Variants in CEP135 observed in about 807,000 individuals in gnomAD.
CEP135 encodes centrosomal protein of 135 kDa.
In CEP135, 142 loss-of-function variants were observed where a neutral mutation model predicts 157.3. That is an observed-to-expected ratio of 0.90 (90% CI 0.79 to 1.04). The LOEUF (loss-of-function observed/expected upper bound fraction) is 1.04, where lower values mean the gene tolerates loss of function less well. Among genes scored for constraint, CEP135 ranks in the 50% least tolerant of loss-of-function variants. The pLI is 0.00. For synonymous variants in CEP135, 396 were observed against 439.8 expected (o/e 0.90, Z 1.25); for missense variants, 1,317 against 1,309.2 (o/e 1.01, Z -0.09).
At chr4:56,025,440 TG>T (rs1213304777) in intron 25 of CEP135, among the ~76,000 whole-genome samples, 1 of 152,150 alleles carries the variant, frequency 6.6e-6, no homozygotes, top group Non-Finnish European at 1.5e-5. Context: ...GTAGTACACA[TG>T]GTACAGTAGT....
Position 55,981,465 on chromosome 4 carries a change from G to A in CEP135, c.1779+86G>A, listed in dbSNP as rs911541021. On this transcript the variant is annotated intron_variant, in intron 13 of 25. Transcript: ENST00000257287. ...ACATTTTCCTGTGAAGTTACTATTGGCCAAATCCAGACCACTTTGTTTATG... is the reference window on the plus strand; with the variant it reads ...ACATTTTCCTGTGAAGTTACTATTGACCAAATCCAGACCACTTTGTTTATG... 12 of 1,208,630 alleles carry A rather than the reference G, an allele frequency of 9.9e-6. No homozygotes were observed. In the African/African-American group the frequency reaches 1.9e-4, roughly 19 times the overall value. 74.9% of individuals were successfully genotyped at this position (1,208,630 alleles called of 1,614,324 possible). A position where few individuals can be genotyped will look rare whatever the true frequency, so the allele number is the denominator to read the frequency against.
intron 15 of CEP135, among the ~76,000 whole-genome samples, chr4:55,996,572 A>T (rs1729977276): frequency 1.3e-5 from 2 of 152,148 alleles, no homozygotes; most frequent in Non-Finnish European, 2.9e-5. Flanking sequence ...CAGAAATCTA[A>T]AAGAAAATCC....
At chr4:55,984,523 T>C (rs1729512064) in intron 13 of CEP135, among the ~76,000 whole-genome samples, 1 of 152,216 alleles carries the variant, frequency 6.6e-6, no homozygotes, top group South Asian at 2.1e-4. Context: ...CTTCATCCGC[T>C]TTACTCACTA....
intron 9 of CEP135, 51 bp from the exon 10 acceptor site, chr4:55,971,219 A>C (rs747441980): frequency 2.9e-6 from 4 of 1,402,858 alleles, no homozygotes; most frequent in Non-Finnish European, 3.9e-6. Flanking sequence ...TAAGTGCGAT[A>C]ATATTTTATA....
intron 20 of CEP135, 113 bp downstream of exon 20, chr4:56,011,635 T>C (rs935940612): frequency 1.0e-6 from 1 of 957,870 alleles, no homozygotes; most frequent in African/African-American, 1.7e-5. Context: ...TCTTGTCTAC[T>C]GCCTTTTTCT....
chr4:55,982,125 C>T (rs902866320), intron 13 of CEP135, among the ~76,000 whole-genome samples: 2 of 152,118 alleles, frequency 1.3e-5, no homozygotes, highest in Non-Finnish European at 2.9e-5. Flanking sequence ...TTCTCCCATC[C>T]CCTCTTAGCC....
intron 22 of CEP135, among the ~76,000 whole-genome samples, chr4:56,018,239 C>G (rs1421170204): frequency 6.6e-6 from 1 of 152,094 alleles, no homozygotes; most frequent in African/African-American, 2.4e-5. Flanking sequence ...CTTGGCCTCC[C>G]AAAGTTCTGG....
intron 15 of CEP135, among the ~76,000 whole-genome samples, chr4:55,997,724 A>G (rs943467530): frequency 5.9e-5 from 9 of 152,122 alleles, no homozygotes; most frequent in Non-Finnish European, 1.0e-4. Flanking sequence ...TTCAGTTGGG[A>G]TAACAGTTCT....
At chr4:56,017,999 C>T (rs987251185) in intron 22 of CEP135, 142 bp downstream of exon 22, 26 of 714,216 alleles carry the variant, frequency 3.6e-5, no homozygotes, top group Non-Finnish European at 4.6e-5. Context: ...TTTGCTCTGT[C>T]GCTTAGGCTG....
At chr4:55,967,216 G>A (rs1728871436) in intron 8 of CEP135, among the ~76,000 whole-genome samples, 1 of 151,944 alleles carries the variant, frequency 6.6e-6, no homozygotes, top group African/African-American at 2.4e-5. Flanking sequence ...TATCTGAATA[G>A]TGTCATCATT....
intron 21 of CEP135, among the ~76,000 whole-genome samples, chr4:56,012,482 C>T (rs1730622137): frequency 6.6e-6 from 1 of 152,168 alleles, no homozygotes; most frequent in African/African-American, 2.4e-5. Flanking sequence ...ATACATACAT[C>T]AAATTTCCCA....
At chr4:55,962,591 C>A (rs1728716752) in intron 6 of CEP135, among the ~76,000 whole-genome samples, 1 of 152,160 alleles carries the variant, frequency 6.6e-6, no homozygotes, top group African/African-American at 2.4e-5. Context: ...ACATTAGTAA[C>A]ATTAATTGCT....
At chr4:55,991,274 G>A (rs753956550) in intron 14 of CEP135, among the ~76,000 whole-genome samples, 2 of 150,052 alleles carry the variant, frequency 1.3e-5, no homozygotes, top group Admixed American at 6.6e-5. Context: ...ATCTCATAAA[G>A]CAAGTATACT....
At chr4:55,950,080 A>G (rs548220445) in intron 1 of CEP135, among the ~76,000 whole-genome samples, 11 of 151,728 alleles carry the variant, frequency 7.2e-5, no homozygotes, top group African/African-American at 2.7e-4. Context: ...AAAACCCTGC[A>G]TCACTTAGGT....
intron 3 of CEP135, among the ~76,000 whole-genome samples, chr4:55,953,726 A>G (rs1191457289): frequency 6.6e-6 from 1 of 152,202 alleles, no homozygotes; most frequent in Non-Finnish European, 1.5e-5. Flanking sequence ...AATGTTCTTG[A>G]AACAACTTTT....
At chr4:55,962,653 T>C (rs1728718274) in intron 6 of CEP135, among the ~76,000 whole-genome samples, 1 of 151,254 alleles carries the variant, frequency 6.6e-6, no homozygotes, top group Admixed American at 6.6e-5. Flanking sequence ...CTCTGTGGTA[T>C]TTGATATTAT....
intron 15 of CEP135, among the ~76,000 whole-genome samples, chr4:55,996,230 C>T (rs935529804): frequency 2.6e-5 from 4 of 152,054 alleles, no homozygotes; most frequent in Admixed American, 6.6e-5. Context: ...AAGCAGTCTT[C>T]CCACCTCAGC....
intron 17 of CEP135, among the ~76,000 whole-genome samples, chr4:56,003,855 G>T (rs909285566): frequency 6.6e-6 from 1 of 151,900 alleles, no homozygotes; most frequent in Non-Finnish European, 1.5e-5. Context: ...CAATTAGCTG[G>T]TACTACAGAC....
intron 17 of CEP135, among the ~76,000 whole-genome samples, chr4:56,007,109 G>A (rs1226073664): frequency 6.6e-6 from 1 of 152,124 alleles, no homozygotes; most frequent in East Asian, 1.9e-4. Context: ...GGCCAGGCTG[G>A]TCTCGAACTC....
Sources: allele counts gnomAD v4.1 joint callset (sites outside exome capture counted in the v4.1 genomes callset), GRCh38; gene constraint gnomAD v4.1.1; transcripts MANE v1.5; gene names NCBI Gene and HGNC (gene_info 2026-07-23, HGNC 2026-07-21).